The following RELCH variants were observed in gnomAD, a reference collection of about 807,000 sequenced individuals.
The protein encoded by RELCH is RAB11-binding protein RELCH.
Under a neutral mutation model 150.3 loss-of-function variants are expected in RELCH, and 41 were observed. That is an observed-to-expected ratio of 0.27 (90% CI 0.21 to 0.35). The LOEUF (loss-of-function observed/expected upper bound fraction) is 0.35, where lower values mean the gene tolerates loss of function less well. Ranked by LOEUF, RELCH falls within the 10% of genes least tolerant of loss-of-function variation. The pLI, the probability that RELCH is intolerant of heterozygous loss-of-function variation, is 1.00. For synonymous variants in RELCH, 478 were observed against 531.8 expected (o/e 0.90, Z 1.39); for missense variants, 1,092 against 1,467.8 (o/e 0.74, Z 4.18).
At chr18:62,279,166 A>G (rs1231108765) in intron 22 of RELCH, among the ~76,000 whole-genome samples, 1 of 152,184 alleles carries the variant, frequency 6.6e-6, no homozygotes, top group Non-Finnish European at 1.5e-5. Context: ...ATATGTGGAG[A>G]ACTGACGTCT....
chr18:62,300,486 T>G (rs1489849263), intron 28 of RELCH: 2 of 152,174 alleles, frequency 1.3e-5, no homozygotes, highest in Non-Finnish European at 2.9e-5. Context: ...AGGAACTGCT[T>G]CTAAGATGGA....
chr18:62,210,397 G>A (rs2040082475), intron 1 of RELCH, among the ~76,000 whole-genome samples: 1 of 151,726 alleles, frequency 6.6e-6, no homozygotes, highest in Non-Finnish European at 1.5e-5. Flanking sequence ...AATCTTTTTT[G>A]TCTGTATTCT....
chr18:62,300,885 G>A (rs999621086), intron 28 of RELCH: 3 of 152,136 alleles, frequency 2.0e-5, no homozygotes, highest in African/African-American at 2.4e-5. Context: ...AACTATTTTG[G>A]TACCCTTCTT....
rs201670645 is a variant in RELCH, at chr18:62,261,576, C to G, written c.2268C>G (p.Ile756Met). The change falls in exon 16 of 29, where the codon ATC becomes ATG. Residue 756 changes from isoleucine to methionine, a missense_variant. By Grantham distance (10) the Ile-to-Met change is conservative (BLOSUM62 1). Transcript: ENST00000644646. The stretch of plus-strand genomic sequence containing the variant: ...ATCTTTCTGCCTTGCAGTCCTTGAT[C>G]CCATCTCTCTTTGCATTAGTGCTAC... ...HMYLSALQSLIPSLFALVLQN... is the reference protein window; with the variant it reads ...HMYLSALQSLMPSLFALVLQN... 2 of 1,612,060 alleles carry G rather than the reference C, an allele frequency of 1.2e-6. No individual in the cohort carries two copies. Among genetic ancestry groups the G allele is most frequent in the Non-Finnish European group, 1.7e-6 (2 of 1,178,718 alleles).
intron 1 of RELCH, among the ~76,000 whole-genome samples, chr18:62,206,981 C>T (rs537242271): frequency 1.3e-5 from 2 of 152,104 alleles, no homozygotes; most frequent in East Asian, 3.9e-4. Context: ...TTCAAGTGAT[C>T]CTCCCACCTC....
intron 27 of RELCH, among the ~76,000 whole-genome samples, chr18:62,297,225 C>T (rs2045453016): frequency 6.6e-6 from 1 of 152,134 alleles, no homozygotes; most frequent in Non-Finnish European, 1.5e-5. Flanking sequence ...CATTACCCTT[C>T]AAATGCTGGC....
At chr18:62,255,266 A>G in intron 12 of RELCH, 141 bp from the exon 13 acceptor site, 1 of 679,922 alleles carries the variant, frequency 1.5e-6, no homozygotes, top group African/African-American at 1.8e-5. Flanking sequence ...ATCCAGGTAT[A>G]GTCAAACAGG....
chr18:62,243,337 T>C (rs956668483), intron 10 of RELCH, among the ~76,000 whole-genome samples: 6 of 152,066 alleles, frequency 3.9e-5, no homozygotes, highest in Admixed American at 3.9e-4. Context: ...TCAAGCATTA[T>C]ATTAAGCCTC....
rs146729506 is a variant in RELCH at position 62,224,776 on chromosome 18, G to A, written c.859-2513G>A. Among the ~76,000 whole-genome samples, 147 of 152,188 alleles carry A rather than the reference G, an allele frequency of 9.7e-4. 1 individual carries two copies. The highest frequency in any genetic ancestry group is 3.4e-3 in the African/African-American group (143 of 41,554). The stretch of plus-strand genomic sequence containing the variant: ...GAAGAGATATTGTGCTCATGGATCA[G>A]AAGACCCAATATTGTCAAGGTAACA... On this transcript the variant is annotated intron_variant, in intron 5 of 28. Transcript: ENST00000644646.
Position 62,282,413 on chromosome 18 carries a change from C to T in RELCH, c.3222C>T (p.Gly1074=). Residue 1074 remains glycine, a synonymous_variant, in exon 25 of 29, where the codon GGC becomes GGT. Coordinates refer to ENST00000644646, the MANE Select transcript of RELCH (RefSeq NM_001346231.2). Reference sequence around the variant, plus strand: ...TCATAAAAACATTTGGTAGAGTTGGCCCTAACGCAGAACCCAGGTTCCGAG... The same window carrying T: ...TCATAAAAACATTTGGTAGAGTTGGTCCTAACGCAGAACCCAGGTTCCGAG... ...TEIIKTFGRV[G]PNAEPRFRDE... 6.2e-7 allele frequency: 1 copy of T among 1,612,388 alleles called. No homozygotes were observed. The highest frequency in any genetic ancestry group is 8.5e-7 in the Non-Finnish European group (1 of 1,179,382).
chr18:62,267,460 A>AAT (rs568371091), intron 19 of RELCH, among the ~76,000 whole-genome samples: 1 of 131,368 alleles, frequency 7.6e-6, no homozygotes, highest in Admixed American at 7.6e-5. Context: ...GTGTGTATAG[A>AAT]ATATATATAT....
At chr18:62,209,360 T>C (rs1292297400) in intron 1 of RELCH, among the ~76,000 whole-genome samples, 2 of 152,236 alleles carry the variant, frequency 1.3e-5, no homozygotes, top group African/African-American at 2.4e-5. Context: ...CATGTAGATA[T>C]ACAGTTGGCC....
At chr18:62,209,103 C>T (rs2039998009) in intron 1 of RELCH, among the ~76,000 whole-genome samples, 1 of 152,162 alleles carries the variant, frequency 6.6e-6, no homozygotes, top group Non-Finnish European at 1.5e-5. Flanking sequence ...CTCACTTCAC[C>T]TTTGCCATGT....
chr18:62,258,254 G>A (rs926945882), intron 14 of RELCH, among the ~76,000 whole-genome samples, 166 bp downstream of exon 14: 1 of 151,918 alleles, frequency 6.6e-6, no homozygotes, highest in Non-Finnish European at 1.5e-5. Flanking sequence ...CAGCTCAGAG[G>A]AGAGAATGCT....
intron 20 of RELCH, among the ~76,000 whole-genome samples, chr18:62,269,258 C>T (rs776149636): frequency 7.9e-5 from 12 of 152,098 alleles, no homozygotes; most frequent in Non-Finnish European, 1.6e-4. Flanking sequence ...AAGCAGAACA[C>T]ATACGTTAGG....
chr18:62,212,989 T>C (rs1257932512), intron 2 of RELCH, among the ~76,000 whole-genome samples: 1 of 152,212 alleles, frequency 6.6e-6, no homozygotes, highest in Non-Finnish European at 1.5e-5. Flanking sequence ...ATCACTAGAA[T>C]AGTTTAATGT....
intron 26 of RELCH, among the ~76,000 whole-genome samples, chr18:62,290,253 G>C (rs1224246843): frequency 5.3e-5 from 8 of 152,068 alleles, no homozygotes; most frequent in Admixed American, 5.2e-4. Context: ...CATCTTTATG[G>C]CCGGGCACGG....
chr18:62,196,235 C>T (rs1316082293), intron 1 of RELCH, among the ~76,000 whole-genome samples: 1 of 150,776 alleles, frequency 6.6e-6, no homozygotes, highest in Non-Finnish European at 1.5e-5. Flanking sequence ...CTTTTCTTTT[C>T]TTTTCTTTTT....
chr18:62,269,397 AT>A (rs138257442), intron 20 of RELCH: 874 of 402,522 alleles, frequency 2.2e-3, no homozygotes, highest in South Asian at 2.7e-3. Flanking sequence ...CAGATTTTGG[AT>A]TTTTTTTTTC....
Sources: gnomAD v4.1 joint callset for allele counts (sites outside exome capture counted in the v4.1 genomes callset) on GRCh38, gnomAD v4.1.1 for gene constraint, MANE v1.5 for transcripts, NCBI Gene and HGNC (gene_info 2026-07-23, HGNC 2026-07-21) for gene names.